TRHDE: variants seen among roughly 807,000 people sequenced by gnomAD.
TRHDE encodes the protein thyrotropin-releasing hormone-degrading ectoenzyme.
Under a neutral mutation model 125.7 loss-of-function variants are expected in TRHDE, and 72 were observed. The ratio of observed to expected loss-of-function variants is 0.57; its 90% CI spans 0.47 to 0.70. TRHDE has a LOEUF of 0.70. Ranked by LOEUF, TRHDE falls within the 30% of genes least tolerant of loss-of-function variation. TRHDE has a pLI of 0.00. For synonymous variants in TRHDE, 509 were observed against 509.1 expected (o/e 1.00, Z 0.00); for missense variants, 1,110 against 1,327.1 (o/e 0.84, Z 2.54).
At chr12:72,568,266 G>T (rs1870544130) in intron 9 of TRHDE, among the ~76,000 whole-genome samples, 1 of 152,030 alleles carries the variant, frequency 6.6e-6, no homozygotes, top group Admixed American at 6.6e-5. Context: ...CAGGTGTATA[G>T]ATATTAGGTA....
intron 2 of TRHDE, among the ~76,000 whole-genome samples, chr12:72,337,662 G>A (rs906813073): frequency 2.0e-5 from 3 of 151,658 alleles, no homozygotes; most frequent in Non-Finnish European, 2.9e-5. Flanking sequence ...TCCCCTTTGC[G>A]TGCTCTGTGA....
chr12:72,646,483 C>G (rs1199884846), intron 15 of TRHDE, among the ~76,000 whole-genome samples: 1 of 151,866 alleles, frequency 6.6e-6, no homozygotes, highest in Non-Finnish European at 1.5e-5. Flanking sequence ...TAAATTCTTC[C>G]CTATCAATAT....
chr12:72,314,066 A>G (rs551460503), intron 2 of TRHDE, among the ~76,000 whole-genome samples: 1 of 152,272 alleles, frequency 6.6e-6, no homozygotes, highest in South Asian at 2.1e-4. Flanking sequence ...TTTCTGACCC[A>G]GGGGTCTCAT....
At chr12:72,096,290 G>T (rs1874920450) in intron 1 of TRHDE, among the ~76,000 whole-genome samples, 1 of 152,000 alleles carries the variant, frequency 6.6e-6, no homozygotes, top group Admixed American at 6.6e-5. Context: ...TGATATTTTG[G>T]GTAATCATGT....
intron 2 of TRHDE, among the ~76,000 whole-genome samples, chr12:72,358,063 G>A (rs1311279730): frequency 6.6e-6 from 1 of 151,532 alleles, no homozygotes; most frequent in Non-Finnish European, 1.5e-5. Flanking sequence ...TTTGTGGATT[G>A]CAACTGAAAC....
At chr12:72,149,546 A>G (rs1876308376) in intron 2 of TRHDE, among the ~76,000 whole-genome samples, 1 of 152,162 alleles carries the variant, frequency 6.6e-6, no homozygotes, top group Non-Finnish European at 1.5e-5. Context: ...TCAAAGCAAG[A>G]TTAGAGTTGT....
At chr12:72,263,458 T>A (rs550563377) in intron 2 of TRHDE, 2 of 152,108 alleles carry the variant, frequency 1.3e-5, no homozygotes, top group Non-Finnish European at 2.9e-5. Flanking sequence ...ACAGGACTTG[T>A]TCTGTGACAG....
At chr12:72,533,183 T>A (rs1354699542) in intron 6 of TRHDE, among the ~76,000 whole-genome samples, 1 of 152,116 alleles carries the variant, frequency 6.6e-6, no homozygotes, top group South Asian at 2.1e-4. Flanking sequence ...ATTCTTTTTT[T>A]TTTTGTTTGA....
chr12:72,597,138 T>G (rs1171589463), intron 12 of TRHDE, among the ~76,000 whole-genome samples: 1 of 152,144 alleles, frequency 6.6e-6, no homozygotes, highest in African/African-American at 2.4e-5. Flanking sequence ...TATAAGAAAG[T>G]AAAAAGCTGT....
chr12:72,383,717 GTTT>G (rs1198685598), intron 3 of TRHDE, among the ~76,000 whole-genome samples: 3 of 120,714 alleles, frequency 2.5e-5, no homozygotes, highest in African/African-American at 8.9e-5. Flanking sequence ...GGTAATTTCT[GTTT>G]TTTTTTTTTT....
intron 3 of TRHDE, among the ~76,000 whole-genome samples, chr12:72,440,838 T>C (rs762490396): frequency 6.6e-6 from 1 of 151,968 alleles, no homozygotes; most frequent in Non-Finnish European, 1.5e-5. Context: ...CTATTAATGA[T>C]AGCAACCAGG....
intron 2 of TRHDE, among the ~76,000 whole-genome samples, chr12:72,258,750 T>C (rs1304980930): frequency 6.6e-6 from 1 of 152,204 alleles, no homozygotes; most frequent in South Asian, 2.1e-4. Flanking sequence ...TTAGTCTGAA[T>C]GAGTTCTGCA....
At chr12:72,094,536 G>A (rs1361107971) in intron 1 of TRHDE, among the ~76,000 whole-genome samples, 1 of 152,168 alleles carries the variant, frequency 6.6e-6, no homozygotes, top group Non-Finnish European at 1.5e-5. Context: ...GGACACAGAT[G>A]GGTGCATATC....
intron 12 of TRHDE, among the ~76,000 whole-genome samples, chr12:72,586,373 G>A (rs1001210797): frequency 6.6e-6 from 1 of 152,112 alleles, no homozygotes; most frequent in African/African-American, 2.4e-5. Flanking sequence ...AATACATGAT[G>A]TTCTCTCTTA....
Position 72,621,685 on chromosome 12 carries a change from G to A in TRHDE, c.2609G>A (p.Gly870Asp). 1 of 1,607,914 alleles carries A rather than the reference G, an allele frequency of 6.2e-7. No homozygotes were observed. Among genetic ancestry groups the A allele is most frequent in the Non-Finnish European group, 8.5e-7 (1 of 1,178,030 alleles). The change falls in exon 15 of 19, where the codon GGC becomes GAC. Residue 870 changes from glycine to aspartate, a missense_variant. Transcript: ENST00000261180. ...GTTATAATGCTGGCCTGCAGTTTTG[G>A]CAACAAGCACTGTCACCAACAGGCA... ...REVIMLACSF[G>D]NKHCHQQAST...
chr12:72,346,175 G>T (rs537568662), intron 2 of TRHDE, among the ~76,000 whole-genome samples: 1 of 152,174 alleles, frequency 6.6e-6, no homozygotes, highest in East Asian at 1.9e-4. Flanking sequence ...GTTGAGGCCT[G>T]TTGTGGAAGC....
chr12:72,635,974 T>G (rs1294872340), intron 15 of TRHDE, among the ~76,000 whole-genome samples: 3 of 151,536 alleles, frequency 2.0e-5, no homozygotes, highest in Non-Finnish European at 4.4e-5. Flanking sequence ...TAGGATTGAC[T>G]TGGCGATGTG....
intron 6 of TRHDE, among the ~76,000 whole-genome samples, chr12:72,505,905 G>A (rs1461502986): frequency 2.0e-5 from 3 of 152,148 alleles, no homozygotes; most frequent in Non-Finnish European, 4.4e-5. Context: ...ACAACATCAT[G>A]TCAGTCAGAT....
chr12:72,614,223 A>G lies in TRHDE; in HGVS notation c.2322-4668A>G, dbSNP rs568514289. Among the ~76,000 whole-genome samples the G allele has an allele frequency of 2.0e-5, 3 of 151,756 alleles. No individual in the cohort carries two copies. In the South Asian group the frequency reaches 6.2e-4, roughly 31 times the overall value. On this transcript the variant is annotated intron_variant, in intron 12 of 18. Coordinates refer to ENST00000261180, the MANE Select transcript of TRHDE (RefSeq NM_013381.3). ...TTGGGCAGGGAAAAAAATTCATACTATATCACTAATTTTATGGGGCTACAA... is the reference window on the plus strand; with the variant it reads ...TTGGGCAGGGAAAAAAATTCATACTGTATCACTAATTTTATGGGGCTACAA...
Sources: allele counts gnomAD v4.1 joint callset (sites outside exome capture counted in the v4.1 genomes callset), GRCh38; gene constraint gnomAD v4.1.1; transcripts MANE v1.5; gene names NCBI Gene and HGNC (gene_info 2026-07-23, HGNC 2026-07-21).